The following GRAMD2B variants were observed in gnomAD, a reference collection of about 807,000 sequenced individuals.
GRAMD2B encodes GRAM domain containing 2B.
GRAMD2B carries 41 observed loss-of-function variants against 59.2 expected under a neutral mutation model. The ratio of observed to expected loss-of-function variants is 0.69; its 90% CI spans 0.54 to 0.90. The LOEUF (loss-of-function observed/expected upper bound fraction) is 0.90. Among genes scored for constraint, GRAMD2B ranks in the 40% least tolerant of loss-of-function variants. The probability of loss-of-function intolerance (pLI) is 0.00; values close to 1 mark genes in which losing one functional copy is unlikely to be tolerated. For missense variants in GRAMD2B, 424 were observed against 500.5 expected (o/e 0.85, Z 1.46); for synonymous variants, 161 against 182.7 (o/e 0.88, Z 0.96).
intron 1 of GRAMD2B, among the ~76,000 whole-genome samples, chr5:126,386,393 G>A (rs1756136960): frequency 6.6e-6 from 1 of 152,184 alleles, no homozygotes; most frequent in African/African-American, 2.4e-5. Context: ...TAGATGAGTT[G>A]TCAATTGCTT....
At chr5:126,402,247 C>T (rs4836254) in intron 1 of GRAMD2B, among the ~76,000 whole-genome samples, 105,187 of 152,018 alleles carry the variant, frequency 0.69, 38,127 homozygotes, top group Non-Finnish European at 0.8. Flanking sequence ...TGTCACCCAC[C>T]CTAAGTGGAA....
chr5:126,404,007 T>C (rs1057340526), intron 1 of GRAMD2B, among the ~76,000 whole-genome samples: 2 of 151,988 alleles, frequency 1.3e-5, no homozygotes, highest in Non-Finnish European at 2.9e-5. Context: ...AAGGATGGAA[T>C]GCTAAAGTCT....
chr5:126,483,707 T>A (rs1396801382), intron 9 of GRAMD2B, 133 bp downstream of exon 9: 3 of 592,218 alleles, frequency 5.1e-6, no homozygotes, highest in Non-Finnish European at 5.9e-6. Flanking sequence ...AAATCAGGAA[T>A]GGAATCTGGA....
chr5:126,427,045 G>A (rs12519258), intron 1 of GRAMD2B, among the ~76,000 whole-genome samples: 42,024 of 152,022 alleles, frequency 0.28, 6,042 homozygotes, highest in Admixed American at 0.36. Context: ...TAGTCGTAGC[G>A]TAGCCAGACT....
intron 1 of GRAMD2B, among the ~76,000 whole-genome samples, chr5:126,425,730 C>T (rs1760508000): frequency 6.6e-6 from 1 of 152,160 alleles, no homozygotes; most frequent in African/African-American, 2.4e-5. Flanking sequence ...CATGCCACTA[C>T]ATTCCAGCCT....
rs564816185 is a variant in GRAMD2B, at chr5:126,389,383, G to A, written c.125+17816G>A. Among the ~76,000 whole-genome samples the A allele has an allele frequency of 3.0e-4, 45 of 152,156 alleles. No individual in the cohort carries two copies. In the South Asian group the frequency reaches 5.8e-3, roughly 20 times the overall value. Reference sequence around the variant, plus strand: ...GGCAGTGATTTCGATCTTCTCTCCCGCTGTCATTCTTCCGTGAGCAAGGAC... The same window carrying A: ...GGCAGTGATTTCGATCTTCTCTCCCACTGTCATTCTTCCGTGAGCAAGGAC... On this transcript the variant is annotated intron_variant, in intron 1 of 8. Coordinates refer to the GRAMD2B transcript ENST00000506445.
Position 126,430,767 on chromosome 5 carries a change from G to T in GRAMD2B, c.83+7078G>T, listed in dbSNP as rs558221121. Among the ~76,000 whole-genome samples the T allele has an allele frequency of 2.6e-5, 4 of 152,294 alleles. No homozygotes were observed. In the South Asian group the frequency reaches 8.3e-4, roughly 32 times the overall value. The stretch of plus-strand genomic sequence containing the variant: ...GTAAGCATCTTAAAGACAGGTCAGT[G>T]CCTTATACTTTGTAACAATAAACAT... On this transcript the variant is annotated intron_variant, in intron 1 of 13. Transcript: ENST00000285689.
intron 11 of GRAMD2B, 41 bp downstream of exon 11, chr5:126,485,814 T>G (rs756739846): frequency 1.6e-6 from 2 of 1,230,126 alleles, no homozygotes; most frequent in African/African-American, 1.5e-5. Context: ...AGAAAATGAT[T>G]CCATTCGCTA....
At position 126,449,760 on chromosome 5, in the gene GRAMD2B, G is replaced by T. The variant is rs138921347; in HGVS notation, c.84-15666G>T. Among the ~76,000 whole-genome samples the T allele has an allele frequency of 8.2e-3, 1,249 of 152,300 alleles. 49 individuals carry two copies. The highest frequency in any genetic ancestry group is 0.053 in the Admixed American group (808 of 15,296). Reference sequence around the variant, plus strand: ...ATTTAAGCAAAGAGAATTTTCACGTGTGCTGCTGATGCCCGTGTTGATTCA... The same window carrying T: ...ATTTAAGCAAAGAGAATTTTCACGTTTGCTGCTGATGCCCGTGTTGATTCA... On this transcript the variant is annotated intron_variant, in intron 1 of 13. Transcript: ENST00000285689.
At position 126,429,143 on chromosome 5, in the gene GRAMD2B, C is replaced by A. The variant is rs553795545; in HGVS notation, c.83+5454C>A. Among the ~76,000 whole-genome samples, 4 of 152,184 alleles carry A rather than the reference C, an allele frequency of 2.6e-5. No homozygotes were observed. In the South Asian group the frequency reaches 8.3e-4, roughly 32 times the overall value. ...CAAAGACATGGAATCAACCTAAATG[C>A]CCATCAATGGTAGACTGCATAAAGA... On this transcript the variant is annotated intron_variant, in intron 1 of 13. Transcript: ENST00000285689.
At position 126,455,437 on chromosome 5, in the gene GRAMD2B, C is replaced by A. The variant is rs561750183; in HGVS notation, c.84-9989C>A. On this transcript the variant is annotated intron_variant, in intron 1 of 13. Transcript: ENST00000285689. The stretch of plus-strand genomic sequence containing the variant: ...CTGCCTGTACTTCAGAAAAAAAAAA[C>A]AAACTGTTGGATTTCCTTGTGAGAG... Among the ~76,000 whole-genome samples the A allele has an allele frequency of 1.3e-4, 20 of 151,870 alleles. No individual in the cohort carries two copies. The South Asian group carries it at 3.3e-3, about 25-fold the overall frequency.
At chr5:126,443,876 G>A (rs1019953893) in intron 1 of GRAMD2B, among the ~76,000 whole-genome samples, 2 of 151,984 alleles carry the variant, frequency 1.3e-5, no homozygotes, top group African/African-American at 4.8e-5. Flanking sequence ...ATAGTGAAAC[G>A]CTGTCTCTAC....
chr5:126,454,794 T>A (rs1765979767), intron 1 of GRAMD2B, among the ~76,000 whole-genome samples: 1 of 152,196 alleles, frequency 6.6e-6, no homozygotes, highest in Admixed American at 6.5e-5. Flanking sequence ...GCTACAGCAG[T>A]GTGCTTGAGA....
upstream of GRAMD2B, chr5:126,423,245 G>A: frequency 9.2e-7 from 1 of 1,092,382 alleles, no homozygotes; most frequent in Non-Finnish European, 1.1e-6. Flanking sequence ...TGCCTTCTTA[G>A]GCAAATGTTC....
At chr5:126,446,840 G>C (rs1025028824) in intron 1 of GRAMD2B, among the ~76,000 whole-genome samples, 8 of 152,102 alleles carry the variant, frequency 5.3e-5, no homozygotes, top group African/African-American at 1.7e-4. Flanking sequence ...ATGGAATACA[G>C]ATTCTTCTCC....
chr5:126,465,293 G>T (rs1768105827), intron 1 of GRAMD2B, 133 bp from the exon 2 acceptor site: 2 of 1,522,274 alleles, frequency 1.3e-6, no homozygotes, highest in African/African-American at 1.4e-5. Flanking sequence ...GGGCCTCGCT[G>T]TCAAAGTTAA....
intron 2 of GRAMD2B, among the ~76,000 whole-genome samples, chr5:126,468,117 A>G (rs893535517): frequency 1.3e-5 from 2 of 152,230 alleles, no homozygotes; most frequent in African/African-American, 4.8e-5. Context: ...CTTCATAATC[A>G]TAAAACTTAT....
intron 1 of GRAMD2B, among the ~76,000 whole-genome samples, chr5:126,444,095 T>TAATACCACCACCACCACC (rs1313403460): frequency 5.9e-5 from 9 of 151,334 alleles, no homozygotes; most frequent in Admixed American, 5.9e-4. Context: ...CCACCACCAC[T>TAATACCACCACCACCACC]AATACCACCA....
At chr5:126,483,611 T>C in intron 9 of GRAMD2B, 37 bp downstream of exon 9, 1 of 1,231,162 alleles carries the variant, frequency 8.1e-7, no homozygotes, top group Non-Finnish European at 1.2e-6. Context: ...AAAATTTAAT[T>C]CCCCTCAAAA....
Sources: gnomAD v4.1 joint callset for allele counts (sites outside exome capture counted in the v4.1 genomes callset) on GRCh38, gnomAD v4.1.1 for gene constraint, MANE v1.5 for transcripts, NCBI Gene and HGNC (gene_info 2026-07-23, HGNC 2026-07-21) for gene names.